Variants in CGRRF1 observed in about 807,000 individuals in gnomAD.
CGRRF1 encodes cell growth regulator with RING finger domain protein 1.
In CGRRF1, 32 loss-of-function variants were observed where a neutral mutation model predicts 37.2. That is an observed-to-expected ratio of 0.86 (90% CI 0.65 to 1.16). The LOEUF (loss-of-function observed/expected upper bound fraction) is 1.16. Among genes scored for constraint, CGRRF1 ranks in the 50% most tolerant of loss-of-function variants. CGRRF1 has a pLI of 0.00. For missense variants in CGRRF1, 391 were observed against 382.6 expected (o/e 1.02, Z -0.18); for synonymous variants, 141 against 140.3 (o/e 1.00, Z -0.04).
intron 2 of CGRRF1, among the ~76,000 whole-genome samples, chr14:54,523,876 C>G (rs542860299): frequency 6.6e-6 from 1 of 152,160 alleles, no homozygotes; most frequent in South Asian, 2.1e-4. Flanking sequence ...GGGCCGAGAC[C>G]CTGTCCCTTC....
At chr14:54,525,806 T>C (rs1361023023) in intron 2 of CGRRF1, among the ~76,000 whole-genome samples, 2 of 152,068 alleles carry the variant, frequency 1.3e-5, no homozygotes, top group African/African-American at 4.8e-5. Context: ...AACTTGAAAA[T>C]AAACCAGAGG....
intron 4 of CGRRF1, among the ~76,000 whole-genome samples, chr14:54,532,160 T>C (rs1290260692): frequency 6.6e-6 from 1 of 152,182 alleles, no homozygotes. Flanking sequence ...TTTATTTTTT[T>C]TAGCAGGAAT....
At chr14:54,520,343 C>T (rs1484562395) in intron 1 of CGRRF1, among the ~76,000 whole-genome samples, 1 of 152,084 alleles carries the variant, frequency 6.6e-6, no homozygotes, top group African/African-American at 2.4e-5. Flanking sequence ...CTGTGTTAAT[C>T]AGGACGGTCT....
At chr14:54,533,902 C>T (rs1302365886) in intron 4 of CGRRF1, among the ~76,000 whole-genome samples, 2 of 151,816 alleles carry the variant, frequency 1.3e-5, no homozygotes, top group Non-Finnish European at 2.9e-5. Flanking sequence ...TTCTATCATC[C>T]AAAAATAATC....
intron 4 of CGRRF1, among the ~76,000 whole-genome samples, chr14:54,533,346 G>GGT: frequency 6.6e-6 from 1 of 152,054 alleles, no homozygotes; most frequent in African/African-American, 2.4e-5. Flanking sequence ...TGTCTCCCAA[G>GGT]GGTTAACAGC....
intron 4 of CGRRF1, among the ~76,000 whole-genome samples, chr14:54,533,625 T>TG (rs2032555166): frequency 6.6e-6 from 1 of 150,868 alleles, no homozygotes; most frequent in East Asian, 2.1e-4. Flanking sequence ...AGGGACTATA[T>TG]TTTTTTAAAA....
rs2032634042 is a variant in CGRRF1 at position 54,538,301 on chromosome 14, C to T, written c.917C>T (p.Pro306Leu). ...TGTGTGAAGTATTTTCAGCAGTGCC[C>T]AATGTGCAGGCAGTTTGTTCAGGAA... The part of the protein sequence containing the change: ...DGCVKYFQQC[P>L]MCRQFVQESF... The change falls in exon 6 of 6, where the codon CCA becomes CTA. Residue 306 changes from proline to leucine, a missense_variant. By Grantham distance (98) the Pro-to-Leu change is moderately conservative. Transcript: ENST00000216420. 3 of 1,613,998 alleles carry T rather than the reference C, an allele frequency of 1.9e-6. No homozygotes were observed. Among genetic ancestry groups the T allele is most frequent in the Non-Finnish European group, 1.7e-6 (2 of 1,180,018 alleles).
chr14:54,519,927 A>T (rs1477597682), intron 1 of CGRRF1, among the ~76,000 whole-genome samples: 1 of 152,214 alleles, frequency 6.6e-6, no homozygotes, highest in Non-Finnish European at 1.5e-5. Context: ...ATCTGTCCAC[A>T]TTAATCCACT....
chr14:54,537,995 A>C lies in CGRRF1; in HGVS notation c.679-68A>C, dbSNP rs1180771135. 5.5e-6 allele frequency: 8 copies of C among 1,454,916 alleles called. 1 individual carries two copies. The highest frequency in any genetic ancestry group is 2.7e-5 in the Admixed American group (1 of 36,476). The allele number at this position is 1,454,916 out of a possible 1,614,324, so 90.1% of individuals were successfully genotyped here. A position where few individuals can be genotyped will look rare whatever the true frequency, so the allele number is the denominator to read the frequency against. On this transcript the variant is annotated intron_variant, in intron 5 of 5. Coordinates refer to ENST00000216420, the MANE Select transcript of CGRRF1 (RefSeq NM_006568.3). ...GCTCATAAATTTTAAGCCGCTTCTT[A>C]TGACCCCCAATTTTAAAGAGTAATT...
chr14:54,531,130 GTTTTA>G, intron 4 of CGRRF1, 80 bp downstream of exon 4: 3 of 1,189,756 alleles, frequency 2.5e-6, no homozygotes, highest in East Asian at 2.5e-5. Context: ...AATAGAAAAA[GTTTTA>G]TTTTAATTTC....
chr14:54,537,562 A>G, intron 4 of CGRRF1, 160 bp from the exon 5 acceptor site: 2 of 660,700 alleles, frequency 3.0e-6, no homozygotes. Flanking sequence ...AATCAGATTG[A>G]CGTAAATTTT....
In CGRRF1 at chr14:54,533,406, T is replaced by C. The variant is rs2032551319; in HGVS notation, c.570+2356T>C. Among the ~76,000 whole-genome samples, 2 of 152,140 alleles carry C rather than the reference T, an allele frequency of 1.3e-5. 1 individual carries two copies. The highest frequency in any genetic ancestry group is 4.1e-4 in the South Asian group (2 of 4,834). Reference sequence around the variant, plus strand: ...GTCTCTGTGTCTGGGTCCTTTTGAATGTCTTTTATTCTCATCTGTGGGCTC... The same window carrying C: ...GTCTCTGTGTCTGGGTCCTTTTGAACGTCTTTTATTCTCATCTGTGGGCTC... On this transcript the variant is annotated intron_variant, in intron 4 of 5. Transcript: ENST00000216420.
At chr14:54,510,883 AGAT>A (rs2032118636) in intron 1 of CGRRF1, among the ~76,000 whole-genome samples, 1 of 152,216 alleles carries the variant, frequency 6.6e-6, no homozygotes, top group African/African-American at 2.4e-5. Context: ...AATCCCTTTG[AGAT>A]GATAATAGTT....
chr14:54,522,710 A>C (rs1015705853), intron 2 of CGRRF1, 117 bp downstream of exon 2: 5 of 983,546 alleles, frequency 5.1e-6, no homozygotes, highest in Non-Finnish European at 7.6e-6. Flanking sequence ...TTTGTTGGGC[A>C]ACTATGTTGT....
chr14:54,526,366 G>T (rs1409094983), intron 2 of CGRRF1, among the ~76,000 whole-genome samples: 1 of 151,364 alleles, frequency 6.6e-6, no homozygotes, highest in African/African-American at 2.4e-5. Flanking sequence ...ATCCAGGATG[G>T]TCTCAATCTC....
intron 1 of CGRRF1, among the ~76,000 whole-genome samples, chr14:54,510,872 A>C (rs1055104024): frequency 6.6e-6 from 1 of 152,214 alleles, no homozygotes; most frequent in African/African-American, 2.4e-5. Context: ...GCAGCCTCCA[A>C]AATCCCTTTG....
intron 4 of CGRRF1, among the ~76,000 whole-genome samples, chr14:54,535,071 C>T (rs374627255): frequency 5.3e-4 from 80 of 152,146 alleles, no homozygotes; most frequent in African/African-American, 1.8e-3. Context: ...TATTTTAAAT[C>T]AATGATTTGA....
chr14:54,514,219 G>C (rs1460489582), intron 1 of CGRRF1, among the ~76,000 whole-genome samples: 1 of 152,158 alleles, frequency 6.6e-6, no homozygotes, highest in African/African-American at 2.4e-5. Context: ...TCCTTGAAAA[G>C]AATTGCAAAA....
At position 54,538,071 on chromosome 14, in the gene CGRRF1, C is replaced by A. The variant is rs1209412437; in HGVS notation, c.687C>A (p.Phe229Leu). 1.9e-6 allele frequency: 3 copies of A among 1,596,288 alleles called. No homozygotes were observed. Among genetic ancestry groups the A allele is most frequent in the Non-Finnish European group, 2.6e-6 (3 of 1,173,304 alleles). Reference sequence around the variant, plus strand: ...ATTTCTTTGATTTTCAGCAACTTTTCATGTCTGCAAATAATAATTTCACTC... The same window carrying A: ...ATTTCTTTGATTTTCAGCAACTTTTAATGTCTGCAAATAATAATTTCACTC... ...QGQFHDLKQLFMSANNNFTPS... is the reference protein window; with the variant it reads ...QGQFHDLKQLLMSANNNFTPS... The change falls in exon 6 of 6, where the codon TTC (phenylalanine) becomes TTA (leucine). Residue 229 changes from phenylalanine to leucine, a missense_variant. By Grantham distance (22) the Phe-to-Leu change is conservative. Transcript: ENST00000216420.
Sources: allele counts gnomAD v4.1 joint callset (sites outside exome capture counted in the v4.1 genomes callset), GRCh38; gene constraint gnomAD v4.1.1; transcripts MANE v1.5; gene names NCBI Gene and HGNC (gene_info 2026-07-23, HGNC 2026-07-21).